The following CACNA1A variants were observed in gnomAD, a reference collection of about 807,000 sequenced individuals.
The protein encoded by CACNA1A is calcium voltage-gated channel subunit alpha1 A, also known as voltage-dependent P/Q-type calcium channel subunit alpha-1A.
A neutral mutation model predicts 262.4 loss-of-function variants in CACNA1A; 57 were observed. The ratio of observed to expected loss-of-function variants is 0.22; its 90% CI spans 0.18 to 0.27. The LOEUF (loss-of-function observed/expected upper bound fraction) is 0.27, where lower values mean the gene tolerates loss of function less well. Ranked by LOEUF, CACNA1A falls within the 10% of genes least tolerant of loss-of-function variation. The pLI is 1.00. For missense variants in CACNA1A, 2,526 were observed against 3,562.8 expected, an observed-to-expected ratio of 0.71 and a Z score of 7.41; for synonymous variants, 1,431 against 1,419.3, an observed-to-expected ratio of 1.01 and a Z score of -0.18.
intron 11 of CACNA1A, 77 bp downstream of exon 11, chr19:13,317,035 C>T: frequency 1.1e-6 from 1 of 911,850 alleles, no homozygotes; most frequent in Non-Finnish European, 1.7e-6. Context: ...ACACATACTA[C>T]CAGAGAAAGA....
At chr19:13,259,905 T>C (rs1396444854) in intron 26 of CACNA1A, 2 of 568,986 alleles carry the variant, frequency 3.5e-6, no homozygotes, top group Non-Finnish European at 6.3e-6. Flanking sequence ...GATAAATCCA[T>C]GGGTGATGGC....
intron 19 of CACNA1A, among the ~76,000 whole-genome samples, chr19:13,287,332 C>G (rs12609792): frequency 0.084 from 12,784 of 151,828 alleles, 677 homozygotes; most frequent in South Asian, 0.23. Flanking sequence ...GTCTGGGTGA[C>G]AGAGTGAGAC....
At chr19:13,443,055 T>C (rs1045023666) in intron 3 of CACNA1A, among the ~76,000 whole-genome samples, 9 of 152,226 alleles carry the variant, frequency 5.9e-5, no homozygotes, top group Admixed American at 6.5e-5. Context: ...TTATTTATTT[T>C]ATATTATTAT....
chr19:13,214,015 A>T lies in CACNA1A; in HGVS notation c.5940+218T>A. The T allele has an allele frequency of 1.8e-6, 1 of 552,682 alleles. No homozygotes were observed. 34.2% of individuals were successfully genotyped at this position (552,682 alleles called of 1,614,324 possible). Reference sequence around the variant, plus strand: ...TTTTATTTTGTAGAGATGGAGTCTCACTGTGTTGCCCAGGGTGGTCTCATC... The same window carrying T: ...TTTTATTTTGTAGAGATGGAGTCTCTCTGTGTTGCCCAGGGTGGTCTCATC... On this transcript the variant is annotated intron_variant, in intron 40 of 46. Coordinates refer to ENST00000360228, the MANE Select transcript of CACNA1A (RefSeq NM_001127222.2). This position sits in a 1 kb window ranked among gnomAD's most constrained non-coding sequence, Gnocchi z 4.1.
At chr19:13,422,148 C>T (rs2060325916) in intron 3 of CACNA1A, among the ~76,000 whole-genome samples, 1 of 151,886 alleles carries the variant, frequency 6.6e-6, no homozygotes, top group Non-Finnish European at 1.5e-5. Flanking sequence ...TAGTGAGAAC[C>T]CATCTTTACT....
Position 13,261,547 on chromosome 19 carries a change from G to A in CACNA1A, c.4153C>T (p.Leu1385=), listed in dbSNP as rs1390841854. 6.2e-7 allele frequency: 1 copy of A among 1,606,702 alleles called. No homozygotes were observed. The highest frequency in any genetic ancestry group is 1.3e-5 in the African/African-American group (1 of 74,862). Residue 1385 remains leucine, a synonymous_variant, in exon 26 of 47, where the codon CTA becomes TTA. Transcript: ENST00000360228. The part of the protein sequence containing the change: ...NVFNILIVYM[L]FMFIFAVVAV... ...ACCACGGCGAAGATGAACATGAATAGCATGTAGACGATGAGGATGTTGAAG... is the reference window on the plus strand; with the variant it reads ...ACCACGGCGAAGATGAACATGAATAACATGTAGACGATGAGGATGTTGAAG...
intron 18 of CACNA1A, among the ~76,000 whole-genome samples, chr19:13,299,933 A>G (rs2057753516): frequency 6.6e-6 from 1 of 152,216 alleles, no homozygotes; most frequent in African/African-American, 2.4e-5. Flanking sequence ...TAAAAGGAGC[A>G]CGCAACCTAG....
At chr19:13,327,708 G>T (rs2058388542) in intron 10 of CACNA1A, among the ~76,000 whole-genome samples, 1 of 151,614 alleles carries the variant, frequency 6.6e-6, no homozygotes, top group South Asian at 2.1e-4. Flanking sequence ...GAGTAGCTGG[G>T]ATTACAGGCT....
chr19:13,218,233 G>A lies in CACNA1A; in HGVS notation c.5732-3625C>T, dbSNP rs550806798. 4.6e-5 allele frequency among the ~76,000 whole-genome samples: 7 copies of A among 152,156 alleles called. No homozygotes were observed. In the East Asian group the frequency reaches 1.4e-3, roughly 29 times the overall value. On this transcript the variant is annotated intron_variant, in intron 38 of 46. Coordinates refer to ENST00000360228, the MANE Select transcript of CACNA1A (RefSeq NM_001127222.2). ...AGCTTCCCCAGTAGCTGGGATTACA[G>A]CCGCCCGCCGCCACGCCTGGATAAT...
intron 3 of CACNA1A, among the ~76,000 whole-genome samples, chr19:13,436,683 C>T (rs919763482): frequency 2.0e-5 from 3 of 152,220 alleles, no homozygotes; most frequent in Non-Finnish European, 4.4e-5. Flanking sequence ...CTTTACCCCC[C>T]AGAGGAAGGA....
rs1346992540 is a variant in CACNA1A, at chr19:13,332,909, G to A, written c.1215C>T (p.Ala405=). The part of the protein sequence containing the change: ...WISKAEEVIL[A]EDETDGEQRH... ...TCTGCTCCCCGTCAGTTTCATCCTC[G>A]GCGAGGATCACCTCTTCTGAAGAGG... Residue 405 remains alanine (A), a synonymous_variant, in exon 9 of 47, where the codon GCC becomes GCT. Coordinates refer to ENST00000360228, the MANE Select transcript of CACNA1A (RefSeq NM_001127222.2). The A allele has an allele frequency of 1.2e-6, 2 of 1,612,336 alleles. No individual in the cohort carries two copies. The highest frequency in any genetic ancestry group is 1.7e-6 in the Non-Finnish European group (2 of 1,178,866).
intron 3 of CACNA1A, among the ~76,000 whole-genome samples, chr19:13,429,074 T>C (rs2060454498): frequency 6.6e-6 from 1 of 151,756 alleles, no homozygotes; most frequent in Admixed American, 6.6e-5. Flanking sequence ...CTGACCACCT[T>C]CTGAGCTGGG....
chr19:13,280,082 G>A (rs2057253505), intron 22 of CACNA1A, among the ~76,000 whole-genome samples: 1 of 152,140 alleles, frequency 6.6e-6, no homozygotes, highest in South Asian at 2.1e-4. Context: ...GGGTCACTGT[G>A]TTTATTGTCC....
intron 10 of CACNA1A, among the ~76,000 whole-genome samples, chr19:13,318,315 T>C (rs1056355268): frequency 2.6e-5 from 4 of 152,112 alleles, no homozygotes; most frequent in South Asian, 2.1e-4. Context: ...CCGACATTTT[T>C]GGGGAAGAGC....
intron 9 of CACNA1A, 72 bp downstream of exon 9, chr19:13,332,797 C>A: frequency 1.0e-6 from 1 of 979,642 alleles, no homozygotes; most frequent in South Asian, 1.4e-5. Context: ...CACCTGCTCT[C>A]CCCCGACTCC....
chr19:13,217,506 C>A (rs1190100616), intron 38 of CACNA1A, among the ~76,000 whole-genome samples: 1 of 152,168 alleles, frequency 6.6e-6, no homozygotes, highest in African/African-American at 2.4e-5. Flanking sequence ...GTCCCCACAC[C>A]CTCTTGACCT....
At position 13,235,282 on chromosome 19, in the gene CACNA1A, G is replaced by A. The variant is rs938396151; in HGVS notation, c.5068-8C>T. 3 of 1,582,568 alleles carry A rather than the reference G, an allele frequency of 1.9e-6. No homozygotes were observed. Among genetic ancestry groups the A allele is most frequent in the Non-Finnish European group, 1.7e-6 (2 of 1,164,586 alleles). ...ACAGACATAAGGCAGGGCCTGGTGG[G>A]AAAAAAGGCAATGAAGAAGAGTGCT... is the stretch of plus-strand genomic sequence containing the variant. On this transcript the variant is annotated splice_region_variant and splice_polypyrimidine_tract_variant and intron_variant, in intron 32 of 46. Coordinates refer to ENST00000360228, the MANE Select transcript of CACNA1A (RefSeq NM_001127222.2).
chr19:13,301,429 G>C (rs1189102257), intron 17 of CACNA1A, among the ~76,000 whole-genome samples: 3 of 152,172 alleles, frequency 2.0e-5, no homozygotes, highest in Admixed American at 6.5e-5. Flanking sequence ...CCCCCAGAAG[G>C]AGAATGAGGA....
At chr19:13,386,771 C>T (rs1390887748) in intron 3 of CACNA1A, among the ~76,000 whole-genome samples, 3 of 151,842 alleles carry the variant, frequency 2.0e-5, no homozygotes, top group South Asian at 4.2e-4. Flanking sequence ...CCAGCCTGGG[C>T]GACAGAGCGG....
Sources: allele counts gnomAD v4.1 joint callset (sites outside exome capture counted in the v4.1 genomes callset), GRCh38; gene constraint gnomAD v4.1.1; non-coding constraint Gnocchi (gnomAD v3.1); transcripts MANE v1.5; gene names NCBI Gene and HGNC (gene_info 2026-07-23, HGNC 2026-07-21).